Variants in BMAL2 observed in about 807,000 individuals in gnomAD.
BMAL2 encodes the protein basic helix-loop-helix ARNT like 2.
At chr12:27,414,596 T>G in the BMAL2 span, among the ~76,000 whole-genome samples, 1 of 152,092 alleles carries the variant, frequency 6.6e-6, no homozygotes, top group Non-Finnish European at 1.5e-5. Context: ...TTAAAAATCT[T>G]GAGAAAAATG....
chr12:27,376,358 T>C, the BMAL2 span: 1 of 1,613,884 alleles, frequency 6.2e-7, no homozygotes, highest in East Asian at 2.2e-5. Context: ...TGGAAGATGG[T>C]GAACACCAAG....
At chr12:27,390,325 A>T in the BMAL2 span, 1 of 1,383,602 alleles carries the variant, frequency 7.2e-7, no homozygotes, top group Non-Finnish European at 1.0e-6. Context: ...AATAAAATAT[A>T]TGGTCAAGGG....
the BMAL2 span, among the ~76,000 whole-genome samples, chr12:27,340,916 G>T: frequency 6.6e-6 from 1 of 152,020 alleles, no homozygotes; most frequent in Non-Finnish European, 1.5e-5. Context: ...CTTGACTGTT[G>T]TTTATGTATC....
chr12:27,399,354 TC>T, the BMAL2 span, among the ~76,000 whole-genome samples: 118 of 152,322 alleles, frequency 7.7e-4, 2 homozygotes, highest in East Asian at 0.021. Context: ...GCACTCACTA[TC>T]AGCAAATGGT....
At chr12:27,358,044 A>G in the BMAL2 span, among the ~76,000 whole-genome samples, 30 of 152,044 alleles carry the variant, frequency 2.0e-4, no homozygotes, top group Middle Eastern at 3.4e-3. Context: ...TATTTTATAA[A>G]TAGATGAGAC....
the BMAL2 span, chr12:27,389,245 C>T: frequency 4.3e-6 from 7 of 1,612,642 alleles, no homozygotes; most frequent in Non-Finnish European, 5.9e-6. Flanking sequence ...AGTAAAGGAA[C>T]AACTTTCTTC....
At chr12:27,386,818 CAG>C in the BMAL2 span, among the ~76,000 whole-genome samples, 1 of 152,040 alleles carries the variant, frequency 6.6e-6, no homozygotes, top group African/African-American at 2.4e-5. Context: ...TTTGTCAAGA[CAG>C]GGTTTCGCCA....
At chr12:27,379,952 C>A in the BMAL2 span, among the ~76,000 whole-genome samples, 44 of 152,274 alleles carry the variant, frequency 2.9e-4, no homozygotes, top group African/African-American at 9.1e-4. Context: ...CCCATCTCTT[C>A]TCTAATATTG....
At chr12:27,333,049 G>A in the BMAL2 span, 1 of 1,198,920 alleles carries the variant, frequency 8.3e-7, no homozygotes. Context: ...GCGGGGCTGC[G>A]GAGCCGACCA....
chr12:27,401,581 G>T, the BMAL2 span: 1 of 1,609,844 alleles, frequency 6.2e-7, no homozygotes, highest in Non-Finnish European at 8.5e-7. Flanking sequence ...GCAAAAGATG[G>T]CTCTTTTGTA....
chr12:27,401,749 T>TA, the BMAL2 span: 42 of 1,123,614 alleles, frequency 3.7e-5, no homozygotes, highest in East Asian at 9.9e-4. Flanking sequence ...CTCATCTTGC[T>TA]AAACCATTAA....
At chr12:27,384,403 A>G in the BMAL2 span, among the ~76,000 whole-genome samples, 1 of 152,368 alleles carries the variant, frequency 6.6e-6, no homozygotes, top group Non-Finnish European at 1.5e-5. Context: ...TCTGTGTATT[A>G]TCAGAATAGA....
chr12:27,342,720 CT>C, the BMAL2 span, among the ~76,000 whole-genome samples: 2 of 152,192 alleles, frequency 1.3e-5, no homozygotes, highest in African/African-American at 2.4e-5. Flanking sequence ...TGTGCTTACA[CT>C]ACCATGGAAA....
the BMAL2 span, among the ~76,000 whole-genome samples, chr12:27,350,393 A>G: frequency 1.3e-5 from 2 of 152,148 alleles, no homozygotes; most frequent in African/African-American, 4.8e-5. Flanking sequence ...TTGCCAGGAG[A>G]TCTCTCTTCC....
the BMAL2 span, among the ~76,000 whole-genome samples, chr12:27,371,108 G>A: frequency 6.6e-6 from 1 of 152,312 alleles, no homozygotes; most frequent in East Asian, 1.9e-4. Context: ...TACTATGTCA[G>A]CAAATAAAGT....
At chr12:27,373,461 C>T in the BMAL2 span, among the ~76,000 whole-genome samples, 1 of 152,084 alleles carries the variant, frequency 6.6e-6, no homozygotes, top group Non-Finnish European at 1.5e-5. Flanking sequence ...GAGACTCAGA[C>T]ATCATTAATG....
the BMAL2 span, chr12:27,394,659 A>G: frequency 1.9e-4 from 29 of 152,122 alleles, no homozygotes; most frequent in African/African-American, 6.8e-4. Flanking sequence ...TTTAGATTTT[A>G]TCTCAATAAG....
chr12:27,341,747 T>G, the BMAL2 span, among the ~76,000 whole-genome samples: 1 of 152,164 alleles, frequency 6.6e-6, no homozygotes, highest in Non-Finnish European at 1.5e-5. Flanking sequence ...ACTTTTCCTG[T>G]GCAGTTCCAT....
At chr12:27,351,434 T>A in the BMAL2 span, among the ~76,000 whole-genome samples, 9 of 152,368 alleles carry the variant, frequency 5.9e-5, no homozygotes, top group Non-Finnish European at 8.8e-5. Context: ...TTGCATGGAC[T>A]GTCCCTCCCA....
Sources: gnomAD v4.1 joint callset for allele counts (sites outside exome capture counted in the v4.1 genomes callset) on GRCh38, gnomAD v4.1.1 for gene constraint, MANE v1.5 for transcripts, NCBI Gene and HGNC (gene_info 2026-07-23, HGNC 2026-07-21) for gene names.